Variants in NT5C3A observed in about 807,000 individuals in gnomAD.
NT5C3A encodes 5'-nucleotidase, cytosolic IIIA, also known as cytosolic 5'-nucleotidase 3A.
In NT5C3A, 23 loss-of-function variants were observed where a neutral mutation model predicts 40.0. The observed-to-expected ratio is 0.58, with a 90% CI of 0.41 to 0.81. The LOEUF (loss-of-function observed/expected upper bound fraction) is 0.81, where lower values mean the gene tolerates loss of function less well. NT5C3A is among the 40% of genes least tolerant of loss of function. NT5C3A has a pLI of 0.00. For synonymous variants in NT5C3A, 130 were observed against 141.4 expected, an observed-to-expected ratio of 0.92 and a Z score of 0.57; for missense variants, 328 against 403.0, an observed-to-expected ratio of 0.81 and a Z score of 1.59.
At chr7:33,047,279 G>C (rs983861472) in intron 1 of NT5C3A, among the ~76,000 whole-genome samples, 7 of 152,072 alleles carry the variant, frequency 4.6e-5, no homozygotes, top group African/African-American at 1.7e-4. Context: ...TATTATTGGT[G>C]CACTATATCG....
intron 1 of NT5C3A, among the ~76,000 whole-genome samples, chr7:33,045,096 C>T (rs776404490): frequency 1.3e-5 from 2 of 152,162 alleles, no homozygotes; most frequent in African/African-American, 4.8e-5. Context: ...AATTGGATGA[C>T]ACCCTAGGAA....
intron 1 of NT5C3A, among the ~76,000 whole-genome samples, chr7:33,050,275 G>T (rs1055294947): frequency 2.0e-5 from 3 of 152,098 alleles, no homozygotes; most frequent in Admixed American, 2.0e-4. Flanking sequence ...AACCCAAATG[G>T]GAGTCAGTTT....
Position 33,024,107 on chromosome 7 carries a change from A to C in NT5C3A, c.239T>G (p.Ile80Arg). 6.4e-7 allele frequency: 1 copy of C among 1,558,500 alleles called. No homozygotes were observed. The highest frequency in any genetic ancestry group is 8.8e-7 in the Non-Finnish European group (1 of 1,130,516). The change falls in exon 3 of 9, where the codon ATA becomes AGA. Residue 80 changes from isoleucine to arginine, a missense_variant and splice_region_variant. Coordinates refer to ENST00000610140, the MANE Select transcript of NT5C3A (RefSeq NM_001002010.5). ...GAGTGTCATATCAAAGTCCGTTATT[A>C]TCTGTAAGAAAAGAGTGAAATGCAT... Reference protein sequence around the residue: ...LIKGGAAKLQIITDFDMTLSR... With the variant: ...LIKGGAAKLQRITDFDMTLSR...
chr7:33,025,877 C>T (rs1324084317), intron 2 of NT5C3A, among the ~76,000 whole-genome samples: 1 of 152,062 alleles, frequency 6.6e-6, no homozygotes, highest in Non-Finnish European at 1.5e-5. Flanking sequence ...ATGAATGAGT[C>T]GGCTTTAACA....
chr7:33,040,826 A>G (rs967557543), intron 1 of NT5C3A: 5 of 911,690 alleles, frequency 5.5e-6, no homozygotes, highest in Middle Eastern at 5.7e-4. Context: ...AGAATCACAT[A>G]AAGTTAGACA....
At chr7:33,031,079 G>A (rs1324841095) in intron 1 of NT5C3A, among the ~76,000 whole-genome samples, 17 of 137,270 alleles carry the variant, frequency 1.2e-4, no homozygotes, top group African/African-American at 4.2e-4. Flanking sequence ...CAGCCTGGGC[G>A]ACAGCGAGAC....
chr7:33,052,670 C>T (rs1295621476), intron 1 of NT5C3A, among the ~76,000 whole-genome samples: 1 of 151,960 alleles, frequency 6.6e-6, no homozygotes, highest in African/African-American at 2.4e-5. Flanking sequence ...TCTGGCAGCA[C>T]CGATTCTATT....
rs551075174 is a variant in NT5C3A at position 33,016,373 on chromosome 7, C to CA, written c.694-504dup. Among the ~76,000 whole-genome samples the CA allele has an allele frequency of 9.1e-3, 986 of 108,938 alleles. 6 individuals carry two copies. Among genetic ancestry groups the CA allele is most frequent in the South Asian group, 0.041 (141 of 3,408 alleles). 71.5% of individuals were successfully genotyped at this position (108,938 alleles called of 152,430 possible). On this transcript the variant is annotated intron_variant, in intron 7 of 8. Coordinates refer to ENST00000610140, the MANE Select transcript of NT5C3A (RefSeq NM_001002010.5). Reference sequence around the variant, plus strand: ...TGGGTGACAGAGTGAGACTCTGTCTCAAAAAAAAAAAAAGAAGGCCGGGCA... The same window carrying CA: ...TGGGTGACAGAGTGAGACTCTGTCTCAAAAAAAAAAAAAAGAAGGCCGGGCA...
At chr7:33,045,734 G>T (rs1787117379) in intron 1 of NT5C3A, 1 of 151,822 alleles carries the variant, frequency 6.6e-6, no homozygotes, top group South Asian at 2.1e-4. Flanking sequence ...TGGGATTACA[G>T]GCGTGAGCCA....
intron 7 of NT5C3A, among the ~76,000 whole-genome samples, chr7:33,016,669 CAAAA>C (rs386409862): frequency 2.2e-5 from 2 of 91,872 alleles, no homozygotes; most frequent in Non-Finnish European, 2.3e-5. Context: ...GACTCCCTCT[CAAAA>C]AAAAAAAAAA....
At chr7:33,022,173 T>C in intron 3 of NT5C3A, 74 bp from the exon 4 acceptor site, 5 of 834,142 alleles carry the variant, frequency 6.0e-6, no homozygotes, top group Non-Finnish European at 1.0e-5. Flanking sequence ...AATAATTTGC[T>C]ATAAAGTAAT....
chr7:33,039,557 T>G (rs1227748521), intron 1 of NT5C3A, among the ~76,000 whole-genome samples: 1 of 138,690 alleles, frequency 7.2e-6, no homozygotes, highest in Non-Finnish European at 1.5e-5. Context: ...AAGCTTGGGT[T>G]TTTTGTTTTT....
intron 1 of NT5C3A, 55 bp downstream of exon 1, chr7:33,062,513 G>A (rs1439212629): frequency 2.0e-6 from 3 of 1,516,636 alleles, no homozygotes; most frequent in South Asian, 2.3e-5. Context: ...CGAGGCCAGC[G>A]GACGGCCCAG....
chr7:33,035,189 G>GGT (rs746357500), intron 1 of NT5C3A, among the ~76,000 whole-genome samples: 1 of 106,204 alleles, frequency 9.4e-6, no homozygotes, highest in Admixed American at 1.2e-4. Flanking sequence ...TAAGGAATGA[G>GGT]TTTTTTTTTT....
chr7:33,021,208 G>T, intron 5 of NT5C3A, 64 bp downstream of exon 5: 1 of 1,599,070 alleles, frequency 6.3e-7, no homozygotes, highest in Non-Finnish European at 8.5e-7. Context: ...TAAGCCATCA[G>T]TTGTAACTGC....
intron 1 of NT5C3A, among the ~76,000 whole-genome samples, chr7:33,033,505 T>C (rs1471120092): frequency 6.6e-6 from 1 of 152,208 alleles, no homozygotes; most frequent in Non-Finnish European, 1.5e-5. Context: ...ATATATAAAA[T>C]ATAAATCTTA....
intron 2 of NT5C3A, 31 bp downstream of exon 2, chr7:33,026,772 GCATGAGCCAACACA>G: frequency 7.6e-7 from 1 of 1,311,088 alleles, no homozygotes; most frequent in South Asian, 1.2e-5. Context: ...GGAATTACAG[GCATGAGCCAACACA>G]CACAGCCAAG....
At position 33,062,577 on chromosome 7, in the gene NT5C3A, G is replaced by T. The variant is rs755372751; in HGVS notation, c.129C>A (p.Ile43=). The change falls in exon 1 of 9, where the codon ATC becomes ATA. Residue 43 remains isoleucine (I), a synonymous_variant. Coordinates refer to ENST00000610140, the MANE Select transcript of NT5C3A (RefSeq NM_001002010.5). The stretch of plus-strand genomic sequence containing the variant: ...GAGCCTCCACACTCACCATCTCGAT[G>T]ATCTTGGTCTTCCGCCCCGTCTTCC... The part of the protein sequence containing the change: ...LKRKTGRKTK[I]IEMMPEFQKS... The T allele has an allele frequency of 3.7e-5, 59 of 1,610,296 alleles. No homozygotes were observed. The highest frequency in any genetic ancestry group is 3.6e-4 in the East Asian group (16 of 44,770).
At position 33,015,581 on chromosome 7, in the gene NT5C3A, C is replaced by T. The variant is rs201533244; in HGVS notation, c.894+89G>A. On this transcript the variant is annotated intron_variant, in intron 8 of 8. Coordinates refer to ENST00000610140, the MANE Select transcript of NT5C3A (RefSeq NM_001002010.5). ...TCAAAAAAAAAAGTCTCTAAAATAA[C>T]TACTTTCTCAGGTGACTATGGCAAC... The T allele has an allele frequency of 6.1e-6, 5 of 821,282 alleles. No homozygotes were observed. In the East Asian group the frequency reaches 1.0e-4, roughly 17 times the overall value. 50.9% of individuals were successfully genotyped at this position (821,282 alleles called of 1,614,324 possible).
Sources: gnomAD v4.1 joint callset for allele counts (sites outside exome capture counted in the v4.1 genomes callset) on GRCh38, gnomAD v4.1.1 for gene constraint, MANE v1.5 for transcripts, NCBI Gene and HGNC (gene_info 2026-07-23, HGNC 2026-07-21) for gene names.